POLR2F: variants seen among roughly 807,000 people sequenced by gnomAD.
POLR2F encodes RNA polymerase II, I and III subunit F.
In POLR2F, 12 loss-of-function variants were observed where a neutral mutation model predicts 22.7. The ratio of observed to expected loss-of-function variants is 0.53; its 90% CI spans 0.34 to 0.86. The LOEUF (loss-of-function observed/expected upper bound fraction) is 0.86. Ranked by LOEUF, POLR2F falls within the 40% of genes least tolerant of loss-of-function variation. The pLI is 0.02. For synonymous variants in POLR2F, 57 were observed against 66.0 expected (o/e 0.86, Z 0.66); for missense variants, 126 against 171.5 (o/e 0.73, Z 1.48).
chr22:37,976,901 C>T (rs1471976349), intron 4 of POLR2F, among the ~76,000 whole-genome samples: 1 of 152,168 alleles, frequency 6.6e-6, no homozygotes, highest in Admixed American at 6.5e-5. Flanking sequence ...CATGTCTCCT[C>T]TGTCAGAATG....
At chr22:37,975,645 AG>A (rs1259526873) in intron 4 of POLR2F, among the ~76,000 whole-genome samples, 2 of 152,206 alleles carry the variant, frequency 1.3e-5, no homozygotes, top group Admixed American at 6.5e-5. Context: ...GGCAGCGCCA[AG>A]TCCTGCATTG....
intron 4 of POLR2F, among the ~76,000 whole-genome samples, chr22:37,979,426 C>T (rs948748111): frequency 3.9e-5 from 6 of 151,960 alleles, no homozygotes; most frequent in East Asian, 1.9e-4. Flanking sequence ...ATGCTGCTTG[C>T]GGGGGTGGTT....
intron 1 of POLR2F, among the ~76,000 whole-genome samples, chr22:37,993,191 C>T (rs556943409): frequency 3.3e-5 from 5 of 152,320 alleles, no homozygotes; most frequent in Admixed American, 6.5e-5. Context: ...GCACATGGCT[C>T]ATGAGACCTT....
rs772789966 is a variant in POLR2F at position 38,016,396 on chromosome 22, G to A, written c.121-9473G>A. Reference sequence around the variant, plus strand: ...CCTGGGATGCTCCAGGAAGTGCTGCGCTTGACACACGCCCCCATCCGCCAC... The same window carrying A: ...CCTGGGATGCTCCAGGAAGTGCTGCACTTGACACACGCCCCCATCCGCCAC... On this transcript the variant is annotated intron_variant, in intron 1 of 2. Transcript: ENST00000333418. This position sits in a 1 kb window ranked among gnomAD's most constrained non-coding sequence, Gnocchi z 4.4. Among the ~76,000 whole-genome samples the A allele has an allele frequency of 5.0e-4, 76 of 152,330 alleles. No individual in the cohort carries two copies. Among genetic ancestry groups the A allele is most frequent in the Middle Eastern group, 3.4e-3 (1 of 294 alleles).
rs1210113057 is a variant in POLR2F at position 38,017,897 on chromosome 22, G to T, written c.121-7972G>T. On this transcript the variant is annotated intron_variant, in intron 1 of 2. Transcript: ENST00000333418. This position sits in a 1 kb window ranked among gnomAD's most constrained non-coding sequence, Gnocchi z 4.1. ...TATGGAACAAGTTAAGCCTCCCTGA[G>T]AATTGGTTTCCTCACTTGTAAAATG... Among the ~76,000 whole-genome samples the T allele has an allele frequency of 1.3e-5, 2 of 152,182 alleles. No homozygotes were observed. The highest frequency in any genetic ancestry group is 4.8e-5 in the African/African-American group (2 of 41,436).
At chr22:37,970,224 GC>G (rs1332049504), downstream of POLR2F, among the ~76,000 whole-genome samples, 1 of 149,612 alleles carries the variant, frequency 6.7e-6, no homozygotes, top group Non-Finnish European at 1.5e-5. Context: ...AACCCGGGAG[GC>G]GGAGCTTGCA....
At chr22:37,958,083 C>T (rs911739351) in intron 2 of POLR2F, among the ~76,000 whole-genome samples, 2 of 151,988 alleles carry the variant, frequency 1.3e-5, no homozygotes, top group Admixed American at 6.6e-5. Flanking sequence ...GTGGTCATAG[C>T]GCACTACAGC....
upstream of POLR2F, among the ~76,000 whole-genome samples, chr22:37,985,778 G>A (rs1932551599): frequency 6.6e-6 from 1 of 150,604 alleles, no homozygotes; most frequent in African/African-American, 2.5e-5. Context: ...GTAGTCACAC[G>A]AGGCAGAGGC....
At chr22:37,995,467 T>G (rs76529284) in intron 1 of POLR2F, among the ~76,000 whole-genome samples, 3,109 of 152,246 alleles carry the variant, frequency 0.02, 115 homozygotes, top group African/African-American at 0.071. Flanking sequence ...CTCTCGACCC[T>G]CCAGTACCAG....
rs756120041 is a variant in POLR2F at position 37,977,994 on chromosome 22, G to C, written c.293+10824G>C. On this transcript the variant is annotated intron_variant, in intron 4 of 4. Coordinates refer to the POLR2F transcript ENST00000405557. ...CACCTTGCTCGGCCTCCCCACCGGG[G>C]CACTCCGCCTCGCCCTGGGCGGCCT... The C allele has an allele frequency of 1.2e-6, 2 of 1,611,838 alleles. No individual in the cohort carries two copies. The highest frequency in any genetic ancestry group is 1.3e-5 in the African/African-American group (1 of 75,062).
chr22:37,979,793 G>A (rs369380764), intron 4 of POLR2F, among the ~76,000 whole-genome samples: 6 of 152,156 alleles, frequency 3.9e-5, no homozygotes, highest in East Asian at 3.9e-4. Flanking sequence ...AGAGGGGGTC[G>A]AGGGGAAAGT....
chr22:37,968,620 C>T lies in POLR2F; in HGVS notation c.*905C>T. Reference sequence around the variant, plus strand: ...CCTGCTTACCCAACCTGAGGTAAGACCAGTCACACTGGCTCCTCCCTCCTA... The same window carrying T: ...CCTGCTTACCCAACCTGAGGTAAGATCAGTCACACTGGCTCCTCCCTCCTA... On this transcript the variant is annotated 3_prime_UTR_variant, in exon 5 of 5. Transcript: ENST00000442738. The T allele has an allele frequency of 1.0e-6, 1 of 985,504 alleles. No individual in the cohort carries two copies. Among genetic ancestry groups the T allele is most frequent in the Non-Finnish European group, 1.2e-6 (1 of 829,964 alleles). The allele number at this position is 985,504 out of a possible 1,614,324, so 61.0% of individuals were successfully genotyped here.
rs1398671203 is a variant in POLR2F, at chr22:38,031,712, G to GT, written c.453-9355dup. 6.6e-6 allele frequency among the ~76,000 whole-genome samples: 1 copy of GT among 152,162 alleles called. No homozygotes were observed. The highest frequency in any genetic ancestry group is 1.9e-4 in the East Asian group (1 of 5,190). On this transcript the variant is annotated intron_variant, in intron 5 of 5. Coordinates refer to the POLR2F transcript ENST00000407936. The surrounding 1 kb of genome is among the most constrained non-coding windows in gnomAD (Gnocchi z 4.1). ...TCCGAAGGTTGCTTCCAGCCTGAAAGTGCTGTGAGTCCATGTCTCAAACCC... is the reference window on the plus strand; with the variant it reads ...TCCGAAGGTTGCTTCCAGCCTGAAAGTTGCTGTGAGTCCATGTCTCAAACCC...
chr22:37,974,044 C>T, downstream of POLR2F: 16 of 1,614,032 alleles, frequency 9.9e-6, no homozygotes, highest in African/African-American at 2.7e-5. The surrounding 1 kb of genome is among the most constrained non-coding windows in gnomAD (Gnocchi z 5.4). Context: ...TGGACATTAC[C>T]TCGTGGCTGA....
At chr22:38,026,162 G>C (rs1175897014) in intron 2 of POLR2F, 1 of 533,136 alleles carries the variant, frequency 1.9e-6, no homozygotes, top group Non-Finnish European at 3.8e-6. Flanking sequence ...GCGGGCACCA[G>C]GTTGGGGAGG....
chr22:38,016,569 T>C lies in POLR2F; in HGVS notation c.121-9300T>C, dbSNP rs2084917082. Among the ~76,000 whole-genome samples, 1 of 152,182 alleles carries C rather than the reference T, an allele frequency of 6.6e-6. No individual in the cohort carries two copies. The highest frequency in any genetic ancestry group is 6.5e-5 in the Admixed American group (1 of 15,288). ...GGCAGGACTTGGTGGGGTGGGGGCT[T>C]AGAAGCAGCTGCGCGCGACGTTGAC... is the stretch of plus-strand genomic sequence containing the variant. On this transcript the variant is annotated intron_variant, in intron 1 of 2. Coordinates refer to the POLR2F transcript ENST00000333418. The surrounding 1 kb of genome is among the most constrained non-coding windows in gnomAD (Gnocchi z 4.4).
chr22:37,978,815 C>T lies in POLR2F; in HGVS notation c.293+11645C>T, dbSNP rs1435757059. On this transcript the variant is annotated intron_variant, in intron 4 of 4. Coordinates refer to the POLR2F transcript ENST00000405557. This position sits in a 1 kb window ranked among gnomAD's most constrained non-coding sequence, Gnocchi z 5.0. ...TTTCTGTGAGGGAATCTCACTCTGT[C>T]ACCCATGCTAGAGCTCAGTGGTATG... 6.6e-6 allele frequency among the ~76,000 whole-genome samples: 1 copy of T among 152,032 alleles called. No individual in the cohort carries two copies. Among genetic ancestry groups the T allele is most frequent in the Non-Finnish European group, 1.5e-5 (1 of 68,016 alleles).
rs564219025 is a variant in POLR2F, at chr22:38,026,154, G to A, written c.399+7G>A. ...GCTGGCCTTCAGATGCCTGGTAGGC[G>A]GGCACCAGGTTGGGGAGGAGGCTTG... On this transcript the variant is annotated splice_region_variant and intron_variant, in intron 2 of 2. Coordinates refer to the POLR2F transcript ENST00000333418. The A allele has an allele frequency of 2.4e-5, 13 of 533,244 alleles. No individual in the cohort carries two copies. The East Asian group carries it at 5.4e-4, about 22-fold the overall frequency. 33.0% of individuals were successfully genotyped at this position (533,244 alleles called of 1,614,324 possible). A position where few individuals can be genotyped will look rare whatever the true frequency, so the allele number is the denominator to read the frequency against.
At chr22:38,041,255 A>C, downstream of POLR2F, 5 of 1,230,868 alleles carry the variant, frequency 4.1e-6, no homozygotes, top group Non-Finnish European at 5.7e-6. Flanking sequence ...GGGGGCAGGC[A>C]CAGGGGGAGG....
Sources: gnomAD v4.1 joint callset for allele counts (sites outside exome capture counted in the v4.1 genomes callset) on GRCh38, gnomAD v4.1.1 for gene constraint, Gnocchi (gnomAD v3.1) non-coding constraint, MANE v1.5 for transcripts, NCBI Gene and HGNC (gene_info 2026-07-23, HGNC 2026-07-21) for gene names.